TLN2: variants seen among roughly 807,000 people sequenced by gnomAD.
TLN2 encodes talin 2.
Under a neutral mutation model 294.7 loss-of-function variants are expected in TLN2, and 118 were observed. The observed-to-expected ratio is 0.40, with a 90% CI of 0.34 to 0.47. The LOEUF (loss-of-function observed/expected upper bound fraction) is 0.47, where lower values mean the gene tolerates loss of function less well. Ranked by LOEUF, TLN2 falls within the 20% of genes least tolerant of loss-of-function variation. The probability of loss-of-function intolerance (pLI) is 0.84; values close to 1 mark genes in which losing one functional copy is unlikely to be tolerated. For missense variants in TLN2, 3,083 were observed against 3,282.2 expected (o/e 0.94, Z 1.48); for synonymous variants, 1,431 against 1,304.5 (o/e 1.10, Z -2.09).
intron 12 of TLN2, among the ~76,000 whole-genome samples, chr15:62,688,701 A>C (rs2057507120): frequency 6.6e-6 from 1 of 152,100 alleles, no homozygotes; most frequent in African/African-American, 2.4e-5. Context: ...ATGCCTGTAC[A>C]TTTAAGATTC....
At chr15:62,476,613 A>G (rs2037796195) in intron 1 of TLN2, among the ~76,000 whole-genome samples, 1 of 152,152 alleles carries the variant, frequency 6.6e-6, no homozygotes, top group African/African-American at 2.4e-5. Flanking sequence ...GGCCTTCTGA[A>G]TCTACCTTCT....
chr15:62,441,455 C>T (rs527958906), intron 1 of TLN2, among the ~76,000 whole-genome samples: 6 of 152,322 alleles, frequency 3.9e-5, no homozygotes, highest in African/African-American at 1.4e-4. Flanking sequence ...ACAGAAAACA[C>T]TGAGGTAAAC....
chr15:62,535,048 A>G (rs1188226309), intron 1 of TLN2, among the ~76,000 whole-genome samples: 1 of 152,100 alleles, frequency 6.6e-6, no homozygotes, highest in Non-Finnish European at 1.5e-5. Flanking sequence ...GCTGCTAGGT[A>G]TGGTATCATT....
intron 32 of TLN2, 61 bp downstream of exon 32, chr15:62,740,830 A>G: frequency 6.2e-7 from 1 of 1,600,790 alleles, no homozygotes; most frequent in Non-Finnish European, 8.5e-7. Flanking sequence ...CAGTCTGAAG[A>G]TGTGCCTGAC....
intron 1 of TLN2, among the ~76,000 whole-genome samples, chr15:62,558,800 C>G (rs868023581): frequency 5.9e-5 from 9 of 152,020 alleles, no homozygotes; most frequent in Admixed American, 3.3e-4. Context: ...AGTTTGTTCA[C>G]GTAGTTCCCT....
chr15:62,694,527 T>C (rs930880736), intron 14 of TLN2, 135 bp downstream of exon 14: 3 of 677,776 alleles, frequency 4.4e-6, no homozygotes, highest in Non-Finnish European at 5.1e-6. Context: ...TGAATCTTCT[T>C]CAAGCGTGGT....
At chr15:62,641,979 C>T (rs942992194) in intron 3 of TLN2, among the ~76,000 whole-genome samples, 4 of 152,190 alleles carry the variant, frequency 2.6e-5, no homozygotes, top group Non-Finnish European at 4.4e-5. Context: ...TGCACTGCTG[C>T]CATCATCCTG....
Position 62,736,919 on chromosome 15 carries a change from G to T in TLN2, c.3400G>T (p.Ala1134Ser). 1 of 1,614,166 alleles carries T rather than the reference G, an allele frequency of 6.2e-7. No individual in the cohort carries two copies. Among genetic ancestry groups the T allele is most frequent in the East Asian group, 2.2e-5 (1 of 44,878 alleles). Residue 1134 changes from alanine (A) to serine (S), a missense_variant, in exon 29 of 59, where the codon GCC becomes TCC. Coordinates refer to ENST00000636159, the MANE Select transcript of TLN2 (RefSeq NM_015059.3). Reference sequence around the variant, plus strand: ...GACGGCCCAAGCTCTGAAAACACTGGCCCAGGCCGCCCGTGGAGTGGCTGC... The same window carrying T: ...GACGGCCCAAGCTCTGAAAACACTGTCCCAGGCCGCCCGTGGAGTGGCTGC... Reference protein sequence around the residue: ...RETAQALKTLAQAARGVAAST... With the variant: ...RETAQALKTLSQAARGVAAST...
intron 8 of TLN2, among the ~76,000 whole-genome samples, chr15:62,657,411 A>C (rs1048690436): frequency 1.3e-5 from 2 of 152,136 alleles, no homozygotes; most frequent in African/African-American, 4.8e-5. Flanking sequence ...TTAGGATTGT[A>C]AAAAGTACAC....
At chr15:62,464,823 T>C (rs1205141676) in intron 1 of TLN2, among the ~76,000 whole-genome samples, 1 of 152,214 alleles carries the variant, frequency 6.6e-6, no homozygotes, top group Admixed American at 6.5e-5. Context: ...TTCTGGCTCC[T>C]AGCACTCACT....
chr15:62,533,669 C>A (rs373052543), intron 1 of TLN2, among the ~76,000 whole-genome samples: 7 of 151,990 alleles, frequency 4.6e-5, no homozygotes, highest in Admixed American at 2.0e-4. Flanking sequence ...ATAAAAAATG[C>A]CAGGAGGGTT....
intron 9 of TLN2, among the ~76,000 whole-genome samples, chr15:62,673,579 T>C (rs1365366826): frequency 3.6e-5 from 4 of 111,198 alleles, no homozygotes; most frequent in Admixed American, 9.7e-5. Context: ...TTTTTTTTTT[T>C]CACTTTACAA....
At chr15:62,575,362 T>A (rs1002547951) in intron 1 of TLN2, among the ~76,000 whole-genome samples, 12 of 152,152 alleles carry the variant, frequency 7.9e-5, no homozygotes, top group African/African-American at 2.9e-4. Flanking sequence ...GCTGATAAAC[T>A]TTTGCAAATT....
rs184385417 is a variant in TLN2, at chr15:62,682,392, C to T, written c.958-4249C>T. On this transcript the variant is annotated intron_variant, in intron 11 of 58. Coordinates refer to ENST00000636159, the MANE Select transcript of TLN2 (RefSeq NM_015059.3). ...TTAGCATTGGCCATAGTTTACCCAC[C>T]TCCATACAGAGCATGTCTGCGAGTC... Among the ~76,000 whole-genome samples the T allele has an allele frequency of 3.9e-5, 6 of 152,264 alleles. No homozygotes were observed. In the East Asian group the frequency reaches 1.2e-3, roughly 29 times the overall value.
In TLN2 at chr15:62,431,923, G is replaced by C. The variant is rs562397581; in HGVS notation, c.-238+41238G>C. Among the ~76,000 whole-genome samples, 18 of 152,218 alleles carry C rather than the reference G, an allele frequency of 1.2e-4. 1 individual carries two copies. The East Asian group carries it at 3.3e-3, about 28-fold the overall frequency. ...GTAGAGTGGGTGAGCTCCAGGCCTT[G>C]GGCCCCGGGCATGGTCCCAGGCCCA... On this transcript the variant is annotated intron_variant, in intron 1 of 58. Transcript: ENST00000636159.
intron 1 of TLN2, among the ~76,000 whole-genome samples, chr15:62,501,520 C>T (rs951225201): frequency 6.6e-5 from 10 of 152,244 alleles, no homozygotes; most frequent in Middle Eastern, 3.4e-3. Flanking sequence ...CACACTGCCC[C>T]GGGAAAACGT....
rs769836259 is a variant in TLN2, at chr15:62,722,369, T to C, written c.3008T>C (p.Val1003Ala). Residue 1003 changes from valine (V) to alanine (A), a missense_variant, in exon 26 of 59, where the codon GTG (valine) becomes GCG (alanine). Coordinates refer to ENST00000636159, the MANE Select transcript of TLN2 (RefSeq NM_015059.3). ...QNFLQPGSKM[V>A]SSAKAAVPTV... is the part of the protein sequence containing the mutation. ...TCTCTATAGCCTGGAAGCAAGATGG[T>C]GTCCTCTGCCAAAGCCGCAGTGCCC... 8 of 1,610,682 alleles carry C rather than the reference T, an allele frequency of 5.0e-6. No homozygotes were observed. In the Admixed American group the frequency reaches 1.2e-4, roughly 24 times the overall value.
intron 28 of TLN2, among the ~76,000 whole-genome samples, chr15:62,728,884 T>C (rs1030910552): frequency 2.0e-5 from 3 of 152,198 alleles, no homozygotes; most frequent in African/African-American, 7.2e-5. Flanking sequence ...TTTTTTTCTT[T>C]ATGGTTAGTA....
In TLN2 at chr15:62,840,743, T is replaced by A; in HGVS notation, c.*133T>A. ...GGGTGAGCCTGGAGCCCTGCGTGCT[T>A]GTTCTCACATCTCTGTCCCGTCGGC... On this transcript the variant is annotated 3_prime_UTR_variant, in exon 59 of 59. Coordinates refer to ENST00000636159, the MANE Select transcript of TLN2 (RefSeq NM_015059.3). The A allele has an allele frequency of 7.9e-7, 1 of 1,266,610 alleles. No individual in the cohort carries two copies. 78.5% of individuals were successfully genotyped at this position (1,266,610 alleles called of 1,614,324 possible). A position where few individuals can be genotyped will look rare whatever the true frequency, so the allele number is the denominator to read the frequency against.
Sources: gnomAD v4.1 joint callset for allele counts (sites outside exome capture counted in the v4.1 genomes callset) on GRCh38, gnomAD v4.1.1 for gene constraint, MANE v1.5 for transcripts, NCBI Gene and HGNC (gene_info 2026-07-23, HGNC 2026-07-21) for gene names.